The following VPS13D variants were observed in gnomAD, a reference collection of about 807,000 sequenced individuals.
The protein encoded by VPS13D is vacuolar protein sorting 13 homolog D, also known as intermembrane lipid transfer protein VPS13D.
In VPS13D, 187 loss-of-function variants were observed where a neutral mutation model predicts 461.9. The ratio of observed to expected loss-of-function variants is 0.40; its 90% confidence interval spans 0.36 to 0.46. The LOEUF (loss-of-function observed/expected upper bound fraction) is 0.46, where lower values mean the gene tolerates loss of function less well. VPS13D is among the 20% of genes least tolerant of loss of function. The pLI is 0.60. For synonymous variants in VPS13D, 1,951 were observed against 1,986.3 expected (o/e 0.98, Z 0.47); for missense variants, 4,711 against 5,364.9 (o/e 0.88, Z 3.81).
intron 52 of VPS13D, among the ~76,000 whole-genome samples, chr1:12,365,389 A>G (rs768809767): frequency 6.6e-6 from 1 of 152,168 alleles, no homozygotes; most frequent in African/African-American, 2.4e-5. Flanking sequence ...GAACATGGGA[A>G]GTCTTTTCAG....
chr1:12,455,494 T>G (rs1645313413), intron 65 of VPS13D, among the ~76,000 whole-genome samples: 4 of 152,378 alleles, frequency 2.6e-5, no homozygotes, highest in Non-Finnish European at 5.9e-5. Flanking sequence ...TTTTTAGTAG[T>G]TGCTTTGCAA....
intron 47 of VPS13D, 145 bp downstream of exon 47, chr1:12,354,366 TAA>T: frequency 9.6e-7 from 1 of 1,037,196 alleles, no homozygotes. Flanking sequence ...TCAGTGCAGT[TAA>T]AAAAAAATAA....
At chr1:12,325,021 TC>T (rs1327704772) in intron 35 of VPS13D, among the ~76,000 whole-genome samples, 1 of 152,194 alleles carries the variant, frequency 6.6e-6, no homozygotes, top group African/African-American at 2.4e-5. Context: ...CCTTTCCATC[TC>T]CATGTTTCCC....
chr1:12,272,865 C>G lies in VPS13D; in HGVS notation c.2104-138C>G, dbSNP rs565636499. 11 of 1,233,498 alleles carry G rather than the reference C, an allele frequency of 8.9e-6. No individual in the cohort carries two copies. The African/African-American group carries it at 1.5e-4, about 17-fold the overall frequency. 76.4% of individuals were successfully genotyped at this position (1,233,498 alleles called of 1,614,324 possible). A position where few individuals can be genotyped will look rare whatever the true frequency, so the allele number is the denominator to read the frequency against. ...CTCAAGCATTTACATCTACTTTTGT[C>G]TTAGACTTTTTGCTGTAATACATTA... On this transcript the variant is annotated intron_variant, in intron 17 of 69. Transcript: ENST00000620676.
chr1:12,246,237 A>G (rs1640547491), intron 5 of VPS13D, among the ~76,000 whole-genome samples: 1 of 152,198 alleles, frequency 6.6e-6, no homozygotes, highest in South Asian at 2.1e-4. Context: ...ATCCTCCCTC[A>G]GACTGGGAGA....
At chr1:12,324,490 C>T (rs535231674) in intron 35 of VPS13D, among the ~76,000 whole-genome samples, 4 of 152,132 alleles carry the variant, frequency 2.6e-5, no homozygotes, top group African/African-American at 7.2e-5. Flanking sequence ...GGCAACAGAG[C>T]GAGACTCTGT....
rs146077489 is a variant in VPS13D, at chr1:12,283,277, C to G, written c.5175C>G (p.Leu1725=). Reference sequence around the variant, plus strand: ...AATATCCTGATATGCCTCGGTCTCTCCCTTCCCACATGGAAGAAGCTCCTA... The same window carrying G: ...AATATCCTGATATGCCTCGGTCTCTGCCTTCCCACATGGAAGAAGCTCCTA... ...NVEYPDMPRS[L]PSHMEEAPNV... The change falls in exon 21 of 70, where the codon CTC becomes CTG. Residue 1725 remains leucine, a synonymous_variant. Transcript: ENST00000620676. The G allele has an allele frequency of 5.5e-5, 89 of 1,614,040 alleles. No individual in the cohort carries two copies. The Middle Eastern group carries it at 6.6e-4, about 12-fold the overall frequency.
intron 64 of VPS13D, among the ~76,000 whole-genome samples, chr1:12,415,743 A>G (rs918327515): frequency 1.3e-5 from 2 of 152,236 alleles, no homozygotes; most frequent in African/African-American, 2.4e-5. Flanking sequence ...TTTCAAAGTT[A>G]AAATATATTT....
At position 12,386,227 on chromosome 1, in the gene VPS13D, A is replaced by G; in HGVS notation, c.11527A>G (p.Asn3843Asp). The change falls in exon 60 of 70, where the codon AAT becomes GAT. Residue 3843 changes from asparagine to aspartate, a missense_variant. By Grantham distance (23) the Asn-to-Asp change is conservative. This residue lies in a region of VPS13D where 4,411 missense variants were observed against 4,937.8 expected (regional missense o/e 0.89). Coordinates refer to ENST00000620676, the MANE Select transcript of VPS13D (RefSeq NM_015378.4). ...LEGGIGLSLI[N>D]KVPEELVFAS... is the part of the protein sequence containing the mutation. ...AGGTGGAATTGGGTTGTCCTTAATT[A>G]ATAAAGTCCCAGAAGAACTGGTCTT... is the stretch of plus-strand genomic sequence containing the variant. 6.2e-7 allele frequency: 1 copy of G among 1,613,652 alleles called. No homozygotes were observed. Among genetic ancestry groups the G allele is most frequent in the Non-Finnish European group, 8.5e-7 (1 of 1,179,820 alleles).
At position 12,509,154 on chromosome 1, in the gene VPS13D, A is replaced by G. The variant is rs1646153090; in HGVS notation, c.*130A>G. 6 of 1,131,736 alleles carry G rather than the reference A, an allele frequency of 5.3e-6. No individual in the cohort carries two copies. Among genetic ancestry groups the G allele is most frequent in the South Asian group, 2.1e-5 (1 of 47,966 alleles). The allele number at this position is 1,131,736 out of a possible 1,614,324, so 70.1% of individuals were successfully genotyped here. A position where few individuals can be genotyped will look rare whatever the true frequency, so the allele number is the denominator to read the frequency against. Reference sequence around the variant, plus strand: ...GGGAAGTTGTCAAGGAATGAGGGAAAGTAAATCCTCATGAGGAAAAGTACA... The same window carrying G: ...GGGAAGTTGTCAAGGAATGAGGGAAGGTAAATCCTCATGAGGAAAAGTACA... On this transcript the variant is annotated 3_prime_UTR_variant, in exon 70 of 70. Coordinates refer to ENST00000620676, the MANE Select transcript of VPS13D (RefSeq NM_015378.4).
chr1:12,467,701 G>A (rs1399357243), intron 67 of VPS13D, among the ~76,000 whole-genome samples: 1 of 152,108 alleles, frequency 6.6e-6, no homozygotes, highest in Non-Finnish European at 1.5e-5. Flanking sequence ...AATGCAAAGT[G>A]TGTGTGTTCA....
In VPS13D at chr1:12,263,161, G is replaced by A. The variant is rs527428707; in HGVS notation, c.1594+1081G>A. Reference sequence around the variant, plus strand: ...CTAATACTCATATTTTTTTTGTAACGCACATCACAGTCTTCTTGCACTCAG... The same window carrying A: ...CTAATACTCATATTTTTTTTGTAACACACATCACAGTCTTCTTGCACTCAG... On this transcript the variant is annotated intron_variant, in intron 13 of 69. Transcript: ENST00000620676. Among the ~76,000 whole-genome samples, 8 of 151,922 alleles carry A rather than the reference G, an allele frequency of 5.3e-5. No individual in the cohort carries two copies. The South Asian group carries it at 1.5e-3, about 28-fold the overall frequency.
chr1:12,370,607 C>CTTTGTCTG, intron 54 of VPS13D, among the ~76,000 whole-genome samples: 1 of 152,298 alleles, frequency 6.6e-6, no homozygotes, highest in Admixed American at 6.5e-5. Context: ...ACCATTCTTT[C>CTTTGTCTG]TTTGTCTGTT....
intron 1 of VPS13D, among the ~76,000 whole-genome samples, chr1:12,233,477 C>T (rs1295574951): frequency 1.3e-5 from 2 of 152,198 alleles, no homozygotes; most frequent in Non-Finnish European, 1.5e-5. Context: ...CACAAGATGC[C>T]AGTAGCAGCC....
chr1:12,357,207 C>T (rs931259190), intron 49 of VPS13D, among the ~76,000 whole-genome samples: 4 of 152,160 alleles, frequency 2.6e-5, no homozygotes, highest in African/African-American at 7.2e-5. Context: ...ACCGTGTTAT[C>T]GGTAGAATCG....
chr1:12,313,597 C>T (rs898087551), intron 29 of VPS13D, among the ~76,000 whole-genome samples: 12 of 152,078 alleles, frequency 7.9e-5, no homozygotes, highest in Non-Finnish European at 1.8e-4. Flanking sequence ...TATGAAAAAA[C>T]GATGGTTCCA....
Position 12,326,778 on chromosome 1 carries a change from G to A in VPS13D, c.7991-870G>A, listed in dbSNP as rs79132613. 2.3e-3 allele frequency among the ~76,000 whole-genome samples: 357 copies of A among 152,026 alleles called. 10 individuals are homozygous for A. In the East Asian group the frequency reaches 0.062, roughly 26 times the overall value. ...CCTGTCTCAGCCTCCCAAGTATCTG[G>A]GATTACAGGCACATGCCACCACGCC... On this transcript the variant is annotated intron_variant, in intron 35 of 69. Transcript: ENST00000620676.
intron 60 of VPS13D, among the ~76,000 whole-genome samples, chr1:12,395,637 C>T (rs780329747): frequency 6.6e-5 from 10 of 152,126 alleles, no homozygotes; most frequent in Non-Finnish European, 1.3e-4. Flanking sequence ...GTCCACTGAA[C>T]TTAGGAGCAA....
At chr1:12,477,680 A>G (rs1570250746) in intron 67 of VPS13D, among the ~76,000 whole-genome samples, 1 of 152,178 alleles carries the variant, frequency 6.6e-6, no homozygotes, top group South Asian at 2.1e-4. Context: ...ACCTTCTCCT[A>G]TTTGATTCCA....
Sources: allele counts gnomAD v4.1 joint callset (sites outside exome capture counted in the v4.1 genomes callset), GRCh38; gene constraint gnomAD v4.1.1; regional missense constraint gnomAD v4.1.1; transcripts MANE v1.5; gene names NCBI Gene and HGNC (gene_info 2026-07-23, HGNC 2026-07-21).